The following TBC1D32 variants were observed in gnomAD, a reference collection of about 807,000 sequenced individuals.
TBC1D32 encodes the protein protein broad-minded.
A neutral mutation model predicts 170.3 loss-of-function variants in TBC1D32; 151 were observed. The observed-to-expected ratio is 0.89, with a 90% confidence interval of 0.78 to 1.01. The LOEUF (loss-of-function observed/expected upper bound fraction) is 1.01. TBC1D32 is among the 50% of genes least tolerant of loss of function. The pLI is 0.00. For synonymous variants in TBC1D32, 498 were observed against 488.0 expected (o/e 1.02, Z -0.27); for missense variants, 1,464 against 1,457.1 (o/e 1.00, Z -0.08).
chr6:121,113,221 A>G (rs770707743), intron 27 of TBC1D32, 44 bp from the exon 28 acceptor site: 1 of 1,325,806 alleles, frequency 7.5e-7, no homozygotes, highest in Non-Finnish European at 1.1e-6. Context: ...CAGGTCTTGC[A>G]TTGAATGTTT....
At position 121,119,128 on chromosome 6, in the gene TBC1D32, T is replaced by A. The variant is rs567605503; in HGVS notation, c.2984-3887A>T. ...GATGTCATTTTCTACTGGACACCTG[T>A]GGCCCTTAAAATAAAACCCTTCATT... On this transcript the variant is annotated intron_variant, in intron 26 of 31. Coordinates refer to ENST00000398212, the MANE Select transcript of TBC1D32 (RefSeq NM_152730.6). 3.9e-5 allele frequency among the ~76,000 whole-genome samples: 6 copies of A among 152,278 alleles called. No individual in the cohort carries two copies. In the East Asian group the frequency reaches 9.6e-4, roughly 24 times the overall value.
rs766729551 is a variant in TBC1D32, at chr6:121,304,636, A to G, written c.770-11T>C. On this transcript the variant is annotated splice_polypyrimidine_tract_variant and intron_variant, in intron 6 of 31. Coordinates refer to ENST00000398212, the MANE Select transcript of TBC1D32 (RefSeq NM_152730.6). ...ACTCCAAATACTTAGCTGAAAAAAA[A>G]GGGAAAACATAAAATTACATCATTC... 2.5e-6 allele frequency: 4 copies of G among 1,581,566 alleles called. No individual in the cohort carries two copies. The highest frequency in any genetic ancestry group is 3.4e-6 in the Non-Finnish European group (4 of 1,162,064).
At chr6:121,105,932 T>G (rs1012745948) in intron 30 of TBC1D32, 91 bp downstream of exon 30, 1 of 1,285,290 alleles carries the variant, frequency 7.8e-7, no homozygotes, top group Non-Finnish European at 1.0e-6. Flanking sequence ...TTTATTAATT[T>G]AAAGGTATTT....
chr6:121,287,748 G>T (rs1804115100), intron 12 of TBC1D32, among the ~76,000 whole-genome samples: 1 of 152,106 alleles, frequency 6.6e-6, no homozygotes, highest in Non-Finnish European at 1.5e-5. Context: ...CCACATAGTT[G>T]GAAGTAAAGT....
intron 2 of TBC1D32, among the ~76,000 whole-genome samples, chr6:121,318,078 C>T (rs964733209): frequency 6.6e-6 from 1 of 150,408 alleles, no homozygotes; most frequent in Non-Finnish European, 1.5e-5. Context: ...TCTTTCTCCA[C>T]CCCCCTATCC....
chr6:121,089,839 C>A (rs1776624790), intron 31 of TBC1D32, among the ~76,000 whole-genome samples: 1 of 152,010 alleles, frequency 6.6e-6, no homozygotes, highest in Non-Finnish European at 1.5e-5. Context: ...GAAAGCCTAG[C>A]AAATGATGAA....
chr6:121,153,370 C>T (rs113529005), intron 24 of TBC1D32, among the ~76,000 whole-genome samples: 2,191 of 152,232 alleles, frequency 0.014, 14 homozygotes, highest in Middle Eastern at 0.031. Flanking sequence ...ATGGAATCTT[C>T]GTCCCAGAGG....
At chr6:121,305,882 C>T (rs1434672379) in intron 5 of TBC1D32, among the ~76,000 whole-genome samples, 1 of 152,042 alleles carries the variant, frequency 6.6e-6, no homozygotes, top group Admixed American at 6.5e-5. Flanking sequence ...ATTACCATCT[C>T]TCCTCTATAA....
chr6:121,254,035 G>A (rs1482570531), intron 17 of TBC1D32, among the ~76,000 whole-genome samples: 1 of 151,884 alleles, frequency 6.6e-6, no homozygotes, highest in Non-Finnish European at 1.5e-5. Flanking sequence ...GTACATATAT[G>A]CCATGGAATA....
rs1582905069 is a variant in TBC1D32 at position 121,133,902 on chromosome 6, A to AATG, written c.2774-2153_2774-2151dup. On this transcript the variant is annotated intron_variant, in intron 24 of 31. Coordinates refer to ENST00000398212, the MANE Select transcript of TBC1D32 (RefSeq NM_152730.6). ...TATCAAGCATTAAATCAAAAGAGAA[A>AATG]ATGATTCTTTTTAATAAAAACACTT... Among the ~76,000 whole-genome samples the AATG allele has an allele frequency of 2.6e-5, 4 of 152,138 alleles. No homozygotes were observed. The East Asian group carries it at 7.7e-4, about 29-fold the overall frequency.
intron 30 of TBC1D32, among the ~76,000 whole-genome samples, chr6:121,098,370 A>G (rs988984862): frequency 1.9e-4 from 29 of 152,078 alleles, no homozygotes; most frequent in African/African-American, 7.0e-4. Context: ...TCATCATAGA[A>G]GAAGTACCAG....
intron 26 of TBC1D32, among the ~76,000 whole-genome samples, chr6:121,116,128 T>A (rs1460638490): frequency 2.6e-5 from 4 of 151,934 alleles, no homozygotes; most frequent in Admixed American, 6.6e-5. Context: ...AGTTATCTAG[T>A]GGTAGAGAAG....
chr6:121,198,247 TA>T (rs35646387), intron 22 of TBC1D32, among the ~76,000 whole-genome samples: 10,548 of 129,500 alleles, frequency 0.081, 530 homozygotes, highest in South Asian at 0.16. Flanking sequence ...ATATATATAT[TA>T]TATATATATA....
At chr6:121,145,401 G>A (rs1783296815) in intron 24 of TBC1D32, among the ~76,000 whole-genome samples, 2 of 152,052 alleles carry the variant, frequency 1.3e-5, no homozygotes, top group African/African-American at 4.8e-5. Flanking sequence ...TCGCTTATGT[G>A]CAAACTGAAA....
At chr6:121,185,049 G>GT (rs36002031) in intron 22 of TBC1D32, among the ~76,000 whole-genome samples, 4,016 of 146,516 alleles carry the variant, frequency 0.027, 169 homozygotes, top group East Asian at 0.13. Flanking sequence ...TATTCTGTAA[G>GT]TTTTTTTTTT....
intron 12 of TBC1D32, among the ~76,000 whole-genome samples, chr6:121,285,531 G>A (rs1033085981): frequency 6.6e-6 from 1 of 152,088 alleles, no homozygotes; most frequent in South Asian, 2.1e-4. Context: ...AGGTACGAGG[G>A]GTGGAGCCAA....
intron 24 of TBC1D32, among the ~76,000 whole-genome samples, chr6:121,147,885 C>T (rs1386354129): frequency 6.6e-6 from 1 of 150,956 alleles, no homozygotes; most frequent in Non-Finnish European, 1.5e-5. Flanking sequence ...AGCCACCGCG[C>T]CCAGTCTCAT....
intron 15 of TBC1D32, among the ~76,000 whole-genome samples, chr6:121,277,305 T>G (rs1197205338): frequency 1.3e-5 from 2 of 151,944 alleles, no homozygotes. Context: ...CTGGCCAGCA[T>G]GGTGAAAGCC....
intron 1 of TBC1D32, among the ~76,000 whole-genome samples, chr6:121,331,965 C>T (rs1811278659): frequency 6.6e-6 from 1 of 152,118 alleles, no homozygotes; most frequent in South Asian, 2.1e-4. Flanking sequence ...TATAAACTAG[C>T]TATAATTTGA....
Sources: allele counts gnomAD v4.1 joint callset (sites outside exome capture counted in the v4.1 genomes callset), GRCh38; gene constraint gnomAD v4.1.1; transcripts MANE v1.5; gene names NCBI Gene and HGNC (gene_info 2026-07-23, HGNC 2026-07-21).